The following RALGAPA1 variants were observed in gnomAD, a reference collection of about 807,000 sequenced individuals.
The protein encoded by RALGAPA1 is Ral GTPase activating protein catalytic subunit alpha 1.
A neutral mutation model predicts 269.6 loss-of-function variants in RALGAPA1; 52 were observed. The observed-to-expected ratio is 0.19, with a 90% CI of 0.15 to 0.24. The LOEUF (loss-of-function observed/expected upper bound fraction) is 0.24, where lower values mean the gene tolerates loss of function less well. RALGAPA1 is among the 10% of genes least tolerant of loss of function. RALGAPA1 has a pLI of 1.00. For missense variants in RALGAPA1, 1,917 were observed against 3,013.9 expected (o/e 0.64, Z 8.52); for synonymous variants, 817 against 1,008.3 (o/e 0.81, Z 3.60).
chr14:35,791,951 T>C (rs1249310409), intron 1 of RALGAPA1, among the ~76,000 whole-genome samples: 1 of 146,640 alleles, frequency 6.8e-6, no homozygotes, highest in Non-Finnish European at 1.5e-5. Context: ...TGCAACACTG[T>C]CACCTAAAAA....
intron 35 of RALGAPA1, among the ~76,000 whole-genome samples, chr14:35,609,757 TACA>T (rs2059810138): frequency 6.6e-6 from 1 of 150,992 alleles, no homozygotes; most frequent in Non-Finnish European, 1.5e-5. Flanking sequence ...ACCCCATCTC[TACA>T]AAAAGAAAAA....
intron 37 of RALGAPA1, among the ~76,000 whole-genome samples, chr14:35,582,343 A>G (rs896945099): frequency 2.0e-5 from 3 of 152,274 alleles, no homozygotes; most frequent in Non-Finnish European, 4.4e-5. Flanking sequence ...TTTCTGGTGC[A>G]GCATATAAAG....
At chr14:35,754,656 G>A (rs1403327699) in intron 7 of RALGAPA1, among the ~76,000 whole-genome samples, 3 of 152,120 alleles carry the variant, frequency 2.0e-5, no homozygotes, top group African/African-American at 7.2e-5. Context: ...AAACAGCTTG[G>A]TAGTTTCTTA....
At position 35,683,812 on chromosome 14, in the gene RALGAPA1, T is replaced by C. The variant is rs777104934; in HGVS notation, c.4468A>G (p.Thr1490Ala). Residue 1490 changes from threonine to alanine, a missense_variant, in exon 21 of 42, where the codon ACT becomes GCT. Physicochemically the swap from Thr to Ala is moderately conservative, Grantham distance 58. This residue lies in a region of RALGAPA1 where 615 missense variants were observed against 790.0 expected (regional missense o/e 0.78). Coordinates refer to ENST00000680220, the MANE Select transcript of RALGAPA1 (RefSeq NM_001346249.2). ...ACATTCCCATGAATAACTTTACCAG[T>C]AATAGTTGCAACTTCAGCAGAGAAA... ...QAFSAEVATITGSESASPVHS... is the reference protein window; with the variant it reads ...QAFSAEVATIAGSESASPVHS... 33 of 1,591,232 alleles carry C rather than the reference T, an allele frequency of 2.1e-5. No individual in the cohort carries two copies. The highest frequency in any genetic ancestry group is 1.7e-5 in the Admixed American group (1 of 58,586).
chr14:35,711,184 A>G (rs2068299323), intron 16 of RALGAPA1, among the ~76,000 whole-genome samples: 1 of 152,214 alleles, frequency 6.6e-6, no homozygotes, highest in South Asian at 2.1e-4. Flanking sequence ...CTGTTGAGAC[A>G]GTCTTTGTCT....
rs1314771922 is a variant in RALGAPA1, at chr14:35,742,560, A to C, written c.1257T>G (p.Phe419Leu). Residue 419 changes from phenylalanine (F) to leucine (L), a missense_variant, in exon 11 of 42, where the codon TTT becomes TTG. Phe to Leu is a conservative substitution (Grantham distance 22). This residue lies in a region of RALGAPA1 where 462 missense variants were observed against 725.6 expected (regional missense o/e 0.64). Transcript: ENST00000680220. ...NFVTEIFRQA[F>L]LLPICEAAAM... The stretch of plus-strand genomic sequence containing the variant: ...CTGCTGCTTCACAAATTGGTAATAA[A>C]AATGCCTAGGGAAAAAAAGGAGAAT... 1 of 1,606,690 alleles carries C rather than the reference A, an allele frequency of 6.2e-7. No homozygotes were observed. The highest frequency in any genetic ancestry group is 2.2e-5 in the East Asian group (1 of 44,706).
intron 39 of RALGAPA1, among the ~76,000 whole-genome samples, chr14:35,561,992 C>T (rs185319131): frequency 7.9e-4 from 121 of 152,214 alleles, no homozygotes; most frequent in Admixed American, 1.3e-3. Context: ...GCTGGTAAGA[C>T]ATTTTATTTG....
chr14:35,802,874 G>C (rs538330147), intron 1 of RALGAPA1, among the ~76,000 whole-genome samples: 1 of 151,794 alleles, frequency 6.6e-6, no homozygotes, highest in South Asian at 2.1e-4. Flanking sequence ...TTTTTGGAGA[G>C]ATGGGGTTTC....
At chr14:35,783,177 A>T (rs780767679) in intron 1 of RALGAPA1, among the ~76,000 whole-genome samples, 12 of 152,122 alleles carry the variant, frequency 7.9e-5, no homozygotes, top group Non-Finnish European at 1.5e-4. Context: ...ACACTAATCA[A>T]CAGAGTGTAG....
intron 37 of RALGAPA1, among the ~76,000 whole-genome samples, chr14:35,578,859 T>C (rs1032760247): frequency 1.3e-5 from 2 of 152,232 alleles, no homozygotes; most frequent in South Asian, 2.1e-4. Flanking sequence ...ACAGGCCTGG[T>C]ACTAGGTGCT....
At chr14:35,610,838 T>A (rs1291689182) in intron 35 of RALGAPA1, among the ~76,000 whole-genome samples, 2 of 152,034 alleles carry the variant, frequency 1.3e-5, no homozygotes, top group Non-Finnish European at 2.9e-5. Context: ...ACACTAGCAA[T>A]AAACAAGCCA....
intron 1 of RALGAPA1, among the ~76,000 whole-genome samples, chr14:35,777,126 G>C (rs909398704): frequency 4.6e-5 from 7 of 152,064 alleles, no homozygotes; most frequent in Admixed American, 6.6e-5. Flanking sequence ...GAAATAAAAT[G>C]ACACGGGGAA....
intron 16 of RALGAPA1, among the ~76,000 whole-genome samples, chr14:35,718,637 G>T (rs1406713628): frequency 6.6e-6 from 1 of 151,942 alleles, no homozygotes; most frequent in Non-Finnish European, 1.5e-5. Flanking sequence ...CCAACATGGT[G>T]AAACTCCGTG....
chr14:35,735,129 C>T (rs186699693), intron 12 of RALGAPA1, among the ~76,000 whole-genome samples: 1 of 151,874 alleles, frequency 6.6e-6, no homozygotes, highest in African/African-American at 2.4e-5. Flanking sequence ...TGAACTAGTA[C>T]AGCCACTATG....
chr14:35,776,728 A>G (rs1387917793), intron 1 of RALGAPA1, among the ~76,000 whole-genome samples: 1 of 152,220 alleles, frequency 6.6e-6, no homozygotes, highest in African/African-American at 2.4e-5. Flanking sequence ...GAAGAACACT[A>G]GACATAAAGT....
In RALGAPA1 at chr14:35,617,726, C is replaced by T. The variant is rs540509802; in HGVS notation, c.6929+7635G>A. ...GTATGAAACAAAGATAAATAGAAAT[C>T]AATTCCAGATATAAGAAAAAGGAAA... On this transcript the variant is annotated intron_variant, in intron 35 of 41. Coordinates refer to ENST00000680220, the MANE Select transcript of RALGAPA1 (RefSeq NM_001346249.2). Among the ~76,000 whole-genome samples the T allele has an allele frequency of 2.1e-4, 30 of 139,936 alleles. No homozygotes were observed. In the East Asian group the frequency reaches 4.9e-3, roughly 23 times the overall value. 91.8% of individuals were successfully genotyped at this position (139,936 alleles called of 152,430 possible).
chr14:35,583,655 C>T (rs942385691), intron 37 of RALGAPA1, among the ~76,000 whole-genome samples: 1 of 152,066 alleles, frequency 6.6e-6, no homozygotes, highest in Non-Finnish European at 1.5e-5. Flanking sequence ...CTAGGTGCAT[C>T]ACATTTAAAC....
Position 35,775,885 on chromosome 14 carries a change from CTA to C in RALGAPA1, c.107-142_107-141del, listed in dbSNP as rs1328322766. 5.2e-5 allele frequency: 46 copies of C among 876,716 alleles called. No individual in the cohort carries two copies. In the African/African-American group the frequency reaches 6.9e-4, roughly 13 times the overall value. 54.3% of individuals were successfully genotyped at this position (876,716 alleles called of 1,614,324 possible). A position where few individuals can be genotyped will look rare whatever the true frequency, so the allele number is the denominator to read the frequency against. ...ATTAAAATATTTACAATATATATTT[CTA>C]TGTCTATATCCTCGTTCTTAAAACT... is the stretch of plus-strand genomic sequence containing the variant. On this transcript the variant is annotated intron_variant, in intron 1 of 41. Transcript: ENST00000680220.
chr14:35,662,072 CATT>C (rs2063572476), intron 27 of RALGAPA1, among the ~76,000 whole-genome samples: 1 of 152,038 alleles, frequency 6.6e-6, no homozygotes, highest in African/African-American at 2.4e-5. Flanking sequence ...CTATACTAAA[CATT>C]ATTAAATGAG....
Sources: allele counts gnomAD v4.1 joint callset (sites outside exome capture counted in the v4.1 genomes callset), GRCh38; gene constraint gnomAD v4.1.1; regional missense constraint gnomAD v4.1.1; transcripts MANE v1.5; gene names NCBI Gene and HGNC (gene_info 2026-07-23, HGNC 2026-07-21).